NUMA1: variants seen among roughly 807,000 people sequenced by gnomAD.
NUMA1 encodes SP-H antigen.
Under a neutral mutation model 237.1 loss-of-function variants are expected in NUMA1, and 62 were observed. The ratio of observed to expected loss-of-function variants is 0.26; its 90% CI spans 0.21 to 0.32. NUMA1 has a LOEUF of 0.32. Among genes scored for constraint, NUMA1 ranks in the 10% least tolerant of loss-of-function variants. The pLI, the probability that NUMA1 is intolerant of heterozygous loss-of-function variation, is 1.00. For synonymous variants in NUMA1, 1,028 were observed against 1,066.1 expected (o/e 0.96, Z 0.70); for missense variants, 2,533 against 2,666.5 (o/e 0.95, Z 1.10).
chr11:72,023,697 C>T (rs1939205561), intron 5 of NUMA1, among the ~76,000 whole-genome samples: 1 of 152,110 alleles, frequency 6.6e-6, no homozygotes, highest in Admixed American at 6.5e-5. Context: ...TAAGGCTGGA[C>T]AAGGGGAGGG....
chr11:72,022,945 G>C (rs1939089504), intron 6 of NUMA1, 120 bp downstream of exon 6: 6 of 707,948 alleles, frequency 8.5e-6, no homozygotes, highest in South Asian at 5.1e-5. Context: ...CAACGTACTA[G>C]AGCCCCAGAA....
In NUMA1 at chr11:72,013,574, T is replaced by A; in HGVS notation, c.3929A>T (p.Asn1310Ile). Reference protein sequence around the residue: ...EAEKQRVASENLRQELTSQAE... With the variant: ...EAEKQRVASEILRQELTSQAE... ...CTGTGAGGTCAGCTCCTGCCGCAGGTTCTCTGAAGCCACCCGCTGTTTCTC... is the reference window on the plus strand; with the variant it reads ...CTGTGAGGTCAGCTCCTGCCGCAGGATCTCTGAAGCCACCCGCTGTTTCTC... Residue 1310 changes from asparagine to isoleucine, a missense_variant, in exon 15 of 27, where the codon AAC (asparagine) becomes ATC (isoleucine). This residue lies in a region of NUMA1 where 324 missense variants were observed against 407.6 expected (regional missense o/e 0.79). Coordinates refer to ENST00000393695, the MANE Select transcript of NUMA1 (RefSeq NM_006185.4). The surrounding 1 kb of genome is among the most constrained non-coding windows in gnomAD (Gnocchi z 6.8). The A allele has an allele frequency of 6.2e-7, 1 of 1,613,110 alleles. No individual in the cohort carries two copies. Among genetic ancestry groups the A allele is most frequent in the South Asian group, 1.1e-5 (1 of 91,068 alleles).
chr11:72,013,689 G>C lies in NUMA1; in HGVS notation c.3814C>G (p.Leu1272Val), dbSNP rs1438044038. Reference protein sequence around the residue: ...SQKLEERLRLLQAETASNSAR... With the variant: ...SQKLEERLRLVQAETASNSAR... ...CTGTTGCTGGCTGTCTCTGCCTGCA[G>C]CAGGCGCAGCCTCTCCTCCAGCTTC... The change falls in exon 15 of 27, where the codon CTG becomes GTG. Residue 1272 changes from leucine to valine, a missense_variant. Transcript: ENST00000393695. The surrounding 1 kb of genome is among the most constrained non-coding windows in gnomAD (Gnocchi z 6.8). 6.2e-7 allele frequency: 1 copy of C among 1,609,106 alleles called. No individual in the cohort carries two copies. The highest frequency in any genetic ancestry group is 8.5e-7 in the Non-Finnish European group (1 of 1,179,996).
chr11:72,070,905 A>G (rs1943419163), intron 1 of NUMA1, among the ~76,000 whole-genome samples: 1 of 152,224 alleles, frequency 6.6e-6, no homozygotes, highest in African/African-American at 2.4e-5. Context: ...AACCTTTTAA[A>G]TAGTTATTAA....
chr11:72,008,577 T>C, intron 20 of NUMA1, 111 bp downstream of exon 20: 1 of 1,290,306 alleles, frequency 7.8e-7, no homozygotes, highest in Non-Finnish European at 1.1e-6. Context: ...TTTTTCGTTA[T>C]TCTTCTCTAA....
At chr11:72,024,709 T>C in intron 4 of NUMA1, 2 of 232,128 alleles carry the variant, frequency 8.6e-6, no homozygotes, top group Non-Finnish European at 1.7e-5. Context: ...AACTCTAAAC[T>C]GTCAGGAAGC....
Position 72,016,486 on chromosome 11 carries a change from T to C in NUMA1, c.1164A>G (p.Ser388=). 6.2e-7 allele frequency: 1 copy of C among 1,614,108 alleles called. No homozygotes were observed. Among genetic ancestry groups the C allele is most frequent in the Non-Finnish European group, 8.5e-7 (1 of 1,180,034 alleles). ...GCTGGGACAAGTGTTCTTCCAGCTG[T>C]GAAAGTTTTCCCTGAAGGATTTCGT... The part of the protein sequence containing the change: ...EKNEILQGKL[S]QLEEHLSQLQ... Residue 388 remains serine, a synonymous_variant, in exon 14 of 27, where the codon TCA becomes TCG. Coordinates refer to ENST00000393695, the MANE Select transcript of NUMA1 (RefSeq NM_006185.4).
chr11:72,025,234 A>C (rs753176699), intron 4 of NUMA1, among the ~76,000 whole-genome samples: 3 of 152,172 alleles, frequency 2.0e-5, no homozygotes, highest in Non-Finnish European at 4.4e-5. Flanking sequence ...TACTTGCTTA[A>C]CTGGAAGAGC....
In NUMA1 at chr11:72,007,205, T is replaced by A. The variant is rs757449639; in HGVS notation, c.5447A>T (p.Asn1816Ile). 7 of 1,609,990 alleles carry A rather than the reference T, an allele frequency of 4.3e-6. No homozygotes were observed. In the South Asian group the frequency reaches 6.6e-5, roughly 15 times the overall value. ...SARRRTTQII[N>I]ITMTKKLDVE... ...CAGCCTGACCTTGGTCATGGTGATGTTGATGATCTGCGTGGTGCGCCGACG... is the reference window on the plus strand; with the variant it reads ...CAGCCTGACCTTGGTCATGGTGATGATGATGATCTGCGTGGTGCGCCGACG... The change falls in exon 21 of 27, where the codon AAC becomes ATC. Residue 1816 changes from asparagine (N) to isoleucine (I), a missense_variant. By Grantham distance (149) the Asn-to-Ile change is moderately radical (BLOSUM62 -3). Coordinates refer to ENST00000393695, the MANE Select transcript of NUMA1 (RefSeq NM_006185.4).
chr11:72,009,611 C>T (rs1206346482), intron 17 of NUMA1, among the ~76,000 whole-genome samples: 1 of 152,260 alleles, frequency 6.6e-6, no homozygotes, highest in African/African-American at 2.4e-5. Flanking sequence ...CCCTGACCAG[C>T]TCCTGCCCTA....
intron 2 of NUMA1, among the ~76,000 whole-genome samples, chr11:72,037,264 G>C (rs1941130780): frequency 1.3e-5 from 2 of 152,328 alleles, no homozygotes; most frequent in Non-Finnish European, 2.9e-5. Flanking sequence ...CCAGCACTTT[G>C]AGAGACCAAG....
chr11:72,022,939 G>A (rs760590221), intron 6 of NUMA1, 126 bp downstream of exon 6: 201 of 687,522 alleles, frequency 2.9e-4, no homozygotes, highest in Admixed American at 4.8e-4. Flanking sequence ...TACCTCCAAC[G>A]TACTAGAGCC....
intron 2 of NUMA1, among the ~76,000 whole-genome samples, chr11:72,037,429 C>T (rs531378904): frequency 1.3e-4 from 20 of 152,220 alleles, no homozygotes; most frequent in Non-Finnish European, 2.4e-4. Flanking sequence ...TGGCGTGAAC[C>T]CGGGAGGCGG....
Position 72,072,431 on chromosome 11 carries a change from T to C in NUMA1, c.-102-2520A>G, listed in dbSNP as rs144733866. The stretch of plus-strand genomic sequence containing the variant: ...CTCACCAGATAAACCAGTCCTCAGC[T>C]GCAATAAGGCAGAAGAAATCTGCAA... On this transcript the variant is annotated intron_variant, in intron 1 of 26. Coordinates refer to ENST00000393695, the MANE Select transcript of NUMA1 (RefSeq NM_006185.4). The C allele has an allele frequency of 3.1e-3, 474 of 154,346 alleles. 5 individuals carry two copies. The highest frequency in any genetic ancestry group is 5.3e-3 in the Non-Finnish European group (359 of 68,076). 9.6% of individuals were successfully genotyped at this position (154,346 alleles called of 1,614,324 possible).
At chr11:72,070,093 T>G (rs531758912) in intron 1 of NUMA1, 182 bp from the exon 2 acceptor site, 2 of 152,134 alleles carry the variant, frequency 1.3e-5, no homozygotes, top group South Asian at 2.1e-4. Context: ...GAAGAGTCAC[T>G]GGGGCAGAAA....
chr11:72,079,604 A>C (rs1317812545), intron 1 of NUMA1, among the ~76,000 whole-genome samples: 2 of 152,150 alleles, frequency 1.3e-5, no homozygotes, highest in East Asian at 3.9e-4. Flanking sequence ...CAGAGGCGGC[A>C]GCATCAACCC....
At chr11:72,054,235 G>A (rs1942515132) in intron 2 of NUMA1, among the ~76,000 whole-genome samples, 1 of 152,140 alleles carries the variant, frequency 6.6e-6, no homozygotes, top group African/African-American at 2.4e-5. Flanking sequence ...GCAGGTCAAG[G>A]CAGGTGGATC....
intron 2 of NUMA1, among the ~76,000 whole-genome samples, chr11:72,053,705 T>C (rs1006096742): frequency 6.6e-6 from 1 of 152,184 alleles, no homozygotes; most frequent in African/African-American, 2.4e-5. Context: ...CAACAATAGC[T>C]TTGAGAACTA....
At position 72,018,179 on chromosome 11, in the gene NUMA1, C is replaced by T; in HGVS notation, c.978+4G>A. 6.2e-7 allele frequency: 1 copy of T among 1,604,798 alleles called. No individual in the cohort carries two copies. The highest frequency in any genetic ancestry group is 8.5e-7 in the Non-Finnish European group (1 of 1,171,414). On this transcript the variant is annotated splice_donor_region_variant and intron_variant, in intron 12 of 26. Coordinates refer to ENST00000393695, the MANE Select transcript of NUMA1 (RefSeq NM_006185.4). ...CTCCATGCACACACCACCTTAACAC[C>T]CACCTTAAAGGAAAGGTCTCCATTC...
Sources: allele counts gnomAD v4.1 joint callset (sites outside exome capture counted in the v4.1 genomes callset), GRCh38; gene constraint gnomAD v4.1.1; regional missense constraint gnomAD v4.1.1; non-coding constraint Gnocchi (gnomAD v3.1); transcripts MANE v1.5; gene names NCBI Gene and HGNC (gene_info 2026-07-23, HGNC 2026-07-21).